Variants in SCTR observed in about 807,000 individuals in gnomAD.
SCTR encodes secretin receptor, also known as pancreatic secretin receptor.
SCTR carries 56 observed loss-of-function variants against 60.8 expected under a neutral mutation model. That is an observed-to-expected ratio of 0.92 (90% CI 0.74 to 1.15). The LOEUF is 1.15. Among genes scored for constraint, SCTR ranks in the 50% most tolerant of loss-of-function variants. The pLI is 0.00. For missense variants in SCTR, 562 were observed against 550.4 expected (o/e 1.02, Z -0.21); for synonymous variants, 202 against 217.0 (o/e 0.93, Z 0.61).
chr2:119,464,038 G>C, intron 6 of SCTR, 85 bp downstream of exon 6: 1 of 1,435,556 alleles, frequency 7.0e-7, no homozygotes, highest in South Asian at 1.2e-5. Flanking sequence ...TTGGGGGAAG[G>C]ACAACTAGGC....
intron 6 of SCTR, among the ~76,000 whole-genome samples, chr2:119,462,619 G>A (rs1044351604): frequency 2.0e-5 from 3 of 152,194 alleles, no homozygotes; most frequent in Admixed American, 6.5e-5. Context: ...AGTTATGCCT[G>A]TAGAATTGTG....
intron 7 of SCTR, among the ~76,000 whole-genome samples, chr2:119,456,201 C>T (rs1256545640): frequency 1.3e-5 from 2 of 151,106 alleles, no homozygotes; most frequent in Non-Finnish European, 2.9e-5. Flanking sequence ...GCTGAGATTA[C>T]AGGCACCCAC....
At chr2:119,512,142 A>T (rs945899422) in intron 1 of SCTR, among the ~76,000 whole-genome samples, 1 of 152,180 alleles carries the variant, frequency 6.6e-6, no homozygotes, top group African/African-American at 2.4e-5. Context: ...CTGGGAATTT[A>T]AAAAATATTA....
intron 9 of SCTR, among the ~76,000 whole-genome samples, chr2:119,449,335 G>A (rs570984434): frequency 3.3e-5 from 5 of 152,298 alleles, no homozygotes; most frequent in African/African-American, 1.2e-4. Context: ...CCAGCTTCAA[G>A]AAGCCACCCT....
intron 1 of SCTR, among the ~76,000 whole-genome samples, chr2:119,514,342 G>A (rs1679047401): frequency 1.3e-5 from 2 of 152,178 alleles, no homozygotes; most frequent in Admixed American, 6.5e-5. Context: ...GTTGGCATGG[G>A]GAGAAAGCCA....
chr2:119,507,278 T>C (rs1246104136), intron 1 of SCTR, among the ~76,000 whole-genome samples: 3 of 152,234 alleles, frequency 2.0e-5, no homozygotes. Flanking sequence ...GACAAACTTA[T>C]ATGTACAGTA....
Position 119,441,551 on chromosome 2 carries a change from T to TACTC in SCTR, c.1182+3_1182+6dup. ...CCTGGGTACCTGGGTGACCCAAGAC[T>TACTC]ACTCACCTCCCCATTGAGGAAGCAG... On this transcript the variant is annotated splice_region_variant and intron_variant, in intron 12 of 12. Transcript: ENST00000019103. 1 of 1,610,132 alleles carries TACTC rather than the reference T, an allele frequency of 6.2e-7. No individual in the cohort carries two copies. Among genetic ancestry groups the TACTC allele is most frequent in the Non-Finnish European group, 8.5e-7 (1 of 1,177,078 alleles).
chr2:119,497,750 A>T (rs1678404653), intron 1 of SCTR, among the ~76,000 whole-genome samples: 1 of 152,206 alleles, frequency 6.6e-6, no homozygotes, highest in African/African-American at 2.4e-5. Context: ...AAGCAGAATG[A>T]TGGTGATGGA....
At chr2:119,453,471 C>A in intron 7 of SCTR, 124 bp from the exon 8 acceptor site, 2 of 738,942 alleles carry the variant, frequency 2.7e-6, no homozygotes, top group Non-Finnish European at 4.8e-6. Flanking sequence ...TTGGTTTCCA[C>A]AGAAACCCCT....
chr2:119,444,244 T>C lies in SCTR; in HGVS notation c.1140+2515A>G, dbSNP rs187710492. Among the ~76,000 whole-genome samples, 198 of 141,262 alleles carry C rather than the reference T, an allele frequency of 1.4e-3. 2 individuals are homozygous for C. The highest frequency in any genetic ancestry group is 5.3e-3 in the African/African-American group (187 of 35,422). The allele number at this position is 141,262 out of a possible 152,430, so 92.7% of individuals were successfully genotyped here. On this transcript the variant is annotated intron_variant, in intron 11 of 12. Transcript: ENST00000019103. The stretch of plus-strand genomic sequence containing the variant: ...ATATACACATATACATATGAATATA[T>C]ACACATATACATATGAATATATACA...
At chr2:119,523,337 C>G (rs1679343304) in intron 1 of SCTR, among the ~76,000 whole-genome samples, 1 of 151,650 alleles carries the variant, frequency 6.6e-6, no homozygotes, top group East Asian at 1.9e-4. Flanking sequence ...CTCAGAGAGG[C>G]CCGGGACTCC....
chr2:119,495,599 A>G, intron 1 of SCTR: 1 of 152,284 alleles, frequency 6.6e-6, no homozygotes, highest in South Asian at 2.1e-4. Context: ...CCAGAGAAGG[A>G]CAGCTAAGGT....
At chr2:119,516,606 A>T (rs1679124921) in intron 1 of SCTR, among the ~76,000 whole-genome samples, 1 of 152,154 alleles carries the variant, frequency 6.6e-6, no homozygotes, top group Admixed American at 6.5e-5. Context: ...ATGAAGTTGC[A>T]GTTACACCAG....
chr2:119,494,385 C>T (rs777104412), intron 2 of SCTR, 43 bp downstream of exon 2: 51 of 1,602,340 alleles, frequency 3.2e-5, no homozygotes, highest in Non-Finnish European at 4.3e-5. Flanking sequence ...ACCGGACATG[C>T]TCCACCCCCA....
intron 2 of SCTR, among the ~76,000 whole-genome samples, chr2:119,489,984 A>T (rs1030201183): frequency 6.6e-6 from 1 of 152,180 alleles, no homozygotes; most frequent in East Asian, 1.9e-4. Flanking sequence ...GGCTGCTGTC[A>T]TTGGAATTTC....
At position 119,446,761 on chromosome 2, in the gene SCTR, G is replaced by A. The variant is rs1682944825; in HGVS notation, c.1138C>T (p.Gln380Ter). The change falls in exon 11 of 13, where the codon CAG becomes TAG. Residue 380 changes from glutamine (Q) to a stop codon, truncating the protein, a stop_gained and splice_region_variant. Transcript: ENST00000019103. LOFTEE classifies it high-confidence loss of function. ...LFFELALGSF[Q>*]GLVVAVLYCF... ...CAGCCCCAGTCCTGGAAACTTACCT[G>A]GAATGAGCCAAGGGCTAGTTCAAAA... is the stretch of plus-strand genomic sequence containing the variant. 6.5e-7 allele frequency: 1 copy of A among 1,530,116 alleles called. No individual in the cohort carries two copies. Among genetic ancestry groups the A allele is most frequent in the South Asian group, 1.3e-5 (1 of 78,060 alleles). The allele number at this position is 1,530,116 out of a possible 1,614,324, so 94.8% of individuals were successfully genotyped here.
intron 7 of SCTR, among the ~76,000 whole-genome samples, chr2:119,454,619 T>C (rs1683300399): frequency 6.6e-6 from 1 of 152,134 alleles, no homozygotes; most frequent in South Asian, 2.1e-4. Flanking sequence ...TTTGGGAGGC[T>C]GAGGCAGGTG....
chr2:119,522,928 G>A (rs775283510), intron 1 of SCTR, among the ~76,000 whole-genome samples: 4 of 152,208 alleles, frequency 2.6e-5, no homozygotes, highest in Non-Finnish European at 5.9e-5. Flanking sequence ...CTCCACGGTG[G>A]CAAGGGAGCT....
chr2:119,478,883 G>T lies in SCTR; in HGVS notation c.229C>A (p.Pro77Thr). The T allele has an allele frequency of 6.2e-7, 1 of 1,614,134 alleles. No homozygotes were observed. Among genetic ancestry groups the T allele is most frequent in the Non-Finnish European group, 8.5e-7 (1 of 1,180,020 alleles). Residue 77 changes from proline (P) to threonine (T), a missense_variant, in exon 3 of 13, where the codon CCC (proline) becomes ACC (threonine). By Grantham distance (38) the Pro-to-Thr change is conservative. Coordinates refer to ENST00000019103, the MANE Select transcript of SCTR (RefSeq NM_002980.3). The stretch of plus-strand genomic sequence containing the variant: ...ACCATCCGGCCCGGCACAGAAGAGG[G>T]CCAGCAGCTTATGTTGTCCCACATC... The part of the protein sequence containing the change: ...EGMWDNISCW[P>T]SSVPGRMVEV...
Sources: allele counts gnomAD v4.1 joint callset (sites outside exome capture counted in the v4.1 genomes callset), GRCh38; gene constraint gnomAD v4.1.1; transcripts MANE v1.5; gene names NCBI Gene and HGNC (gene_info 2026-07-23, HGNC 2026-07-21).